Variants in CLDN16 observed in about 807,000 individuals in gnomAD.
The protein encoded by CLDN16 is claudin 16.
CLDN16 carries 13 observed loss-of-function variants against 24.6 expected under a neutral mutation model. That is an observed-to-expected ratio of 0.53 (90% CI 0.34 to 0.84). The LOEUF (loss-of-function observed/expected upper bound fraction) is 0.84. Ranked by LOEUF, CLDN16 falls within the 40% of genes least tolerant of loss-of-function variation. The pLI is 0.01. For missense variants in CLDN16, 298 were observed against 292.7 expected, an observed-to-expected ratio of 1.02 and a Z score of -0.13; for synonymous variants, 116 against 106.7, an observed-to-expected ratio of 1.09 and a Z score of -0.54.
intron 1 of CLDN16, among the ~76,000 whole-genome samples, chr3:190,391,965 A>G (rs565052765): frequency 8.5e-5 from 13 of 152,052 alleles, no homozygotes; most frequent in Admixed American, 7.2e-4. Context: ...ACCCTTATTA[A>G]CTGCCTTCTA....
rs1719052466 is a variant in CLDN16, at chr3:190,404,857, T to C, written c.313T>C (p.Phe105Leu). Residue 105 changes from phenylalanine to leucine, a missense_variant, in exon 3 of 5, where the codon TTC (phenylalanine) becomes CTC (leucine). Physicochemically the swap from Phe to Leu is conservative, Grantham distance 22 (BLOSUM62 0). Coordinates refer to ENST00000264734, the MANE Select transcript of CLDN16 (RefSeq NM_006580.4). ...GCTCCTTGGTCTTGACTGCGTGAAA[T>C]TCCTCCCTGATGAGCCGTACATTAA... ...TLLLGLDCVK[F>L]LPDEPYIKVR... 6.2e-6 allele frequency: 10 copies of C among 1,614,030 alleles called. No homozygotes were observed. Among genetic ancestry groups the C allele is most frequent in the Non-Finnish European group, 8.5e-6 (10 of 1,180,028 alleles).
In CLDN16 at chr3:190,411,848, A is replaced by G. The variant is rs138543261; in HGVS notation, c.*1812A>G. ...TCATTAGTTATTTGATCATTGTTCT[A>G]TGCATTTTAAAATTAATTTTGTGTT... On this transcript the variant is annotated 3_prime_UTR_variant, in exon 5 of 5. Coordinates refer to ENST00000264734, the MANE Select transcript of CLDN16 (RefSeq NM_006580.4). 59 of 152,230 alleles carry G rather than the reference A, an allele frequency of 3.9e-4. No individual in the cohort carries two copies. In the East Asian group the frequency reaches 0.011, roughly 28 times the overall value. 9.4% of individuals were successfully genotyped at this position (152,230 alleles called of 1,614,324 possible). A position where few individuals can be genotyped will look rare whatever the true frequency, so the allele number is the denominator to read the frequency against.
the CLDN16 span, among the ~76,000 whole-genome samples, chr3:190,297,909 T>C: frequency 6.6e-6 from 1 of 151,512 alleles, no homozygotes; most frequent in Non-Finnish European, 1.5e-5. Flanking sequence ...GAAAGATAAG[T>C]TTGTCAAGGC....
chr3:190,357,706 C>G (rs1295395718), intron 1 of CLDN16, among the ~76,000 whole-genome samples: 1 of 151,900 alleles, frequency 6.6e-6, no homozygotes, highest in Admixed American at 6.6e-5. Context: ...GTGCTTTACT[C>G]GTGGTTTCCC....
intron 1 of CLDN16, among the ~76,000 whole-genome samples, chr3:190,344,148 C>T (rs7628189): frequency 0.3 from 45,495 of 151,710 alleles, 7,323 homozygotes; most frequent in East Asian, 0.6. Flanking sequence ...TTTTGAAAAA[C>T]GCTTTGAAAG....
At chr3:190,303,567 G>T in the CLDN16 span, among the ~76,000 whole-genome samples, 1 of 152,022 alleles carries the variant, frequency 6.6e-6, no homozygotes, top group Non-Finnish European at 1.5e-5. Context: ...AATGAAATAA[G>T]TGAACTAAAA....
chr3:190,362,100 A>G (rs1717902208), intron 1 of CLDN16, among the ~76,000 whole-genome samples: 1 of 151,500 alleles, frequency 6.6e-6, no homozygotes, highest in African/African-American at 2.4e-5. Flanking sequence ...AACCCCTTGC[A>G]TTTGAAGACC....
chr3:190,383,956 A>G (rs1452401789), upstream of CLDN16, among the ~76,000 whole-genome samples: 1 of 152,192 alleles, frequency 6.6e-6, no homozygotes, highest in Non-Finnish European at 1.5e-5. Context: ...TTCATTTTTC[A>G]CAGCCATTTT....
At chr3:190,383,628 A>G (rs745332279), upstream of CLDN16, among the ~76,000 whole-genome samples, 1 of 152,174 alleles carries the variant, frequency 6.6e-6, no homozygotes, top group Non-Finnish European at 1.5e-5. Flanking sequence ...ATGTCATAGA[A>G]CTTGCCCTAT....
At chr3:190,337,961 G>A (rs747790098) in intron 1 of CLDN16, among the ~76,000 whole-genome samples, 3 of 152,124 alleles carry the variant, frequency 2.0e-5, no homozygotes, top group Non-Finnish European at 4.4e-5. Flanking sequence ...CCCTTTTAAT[G>A]TATAGCTGTA....
At chr3:190,301,392 G>C in the CLDN16 span, among the ~76,000 whole-genome samples, 1 of 152,090 alleles carries the variant, frequency 6.6e-6, no homozygotes, top group East Asian at 1.9e-4. Context: ...CTACTCCAGA[G>C]GCTGAGGTGG....
intron 1 of CLDN16, among the ~76,000 whole-genome samples, chr3:190,353,209 C>CTA (rs1717704411): frequency 1.3e-5 from 2 of 152,036 alleles, no homozygotes; most frequent in Non-Finnish European, 2.9e-5. Flanking sequence ...AAGACTATGC[C>CTA]ACCTTCATCC....
rs115019864 is a variant in CLDN16, at chr3:190,338,569, T to A, written n.121+15908T>A. 2.9e-3 allele frequency among the ~76,000 whole-genome samples: 436 copies of A among 152,298 alleles called. 4 individuals are homozygous for A. The highest frequency in any genetic ancestry group is 0.01 in the African/African-American group (424 of 41,570). ...GGGAATCAAGGCTCTCAGGGATGAG[T>A]GTCTGAGACATCCCACCAGACAAGC... On this transcript the variant is annotated intron_variant and non_coding_transcript_variant, in intron 1 of 4. Transcript: ENST00000468220.
intron 1 of CLDN16, among the ~76,000 whole-genome samples, chr3:190,364,838 T>C (rs1717983334): frequency 6.6e-6 from 1 of 151,736 alleles, no homozygotes; most frequent in Admixed American, 6.6e-5. Context: ...CTTTTTTTTT[T>C]TCGAGGTGAT....
intron 1 of CLDN16, among the ~76,000 whole-genome samples, chr3:190,339,221 T>G (rs1028153808): frequency 6.6e-6 from 1 of 152,230 alleles, no homozygotes; most frequent in Admixed American, 6.5e-5. Context: ...AGTGTATTCC[T>G]TCTAGAAATC....
chr3:190,399,972 A>G (rs532626927), intron 1 of CLDN16, among the ~76,000 whole-genome samples: 4 of 152,162 alleles, frequency 2.6e-5, no homozygotes, highest in African/African-American at 9.6e-5. Flanking sequence ...TGCTCCTTAC[A>G]AGCACCTAAT....
intron 3 of CLDN16, among the ~76,000 whole-genome samples, chr3:190,378,586 T>C (rs757026959): frequency 1.5e-4 from 23 of 152,056 alleles, no homozygotes; most frequent in Admixed American, 2.6e-4. Context: ...CCTGATTCCA[T>C]CCTATTCAAT....
chr3:190,351,572 T>C (rs1042966609), intron 1 of CLDN16, among the ~76,000 whole-genome samples: 18 of 152,194 alleles, frequency 1.2e-4, no homozygotes, highest in Admixed American at 1.1e-3. Flanking sequence ...TGACTGCCAT[T>C]TAGTAAACAT....
At chr3:190,328,998 T>G (rs1349826137) in intron 1 of CLDN16, among the ~76,000 whole-genome samples, 6 of 152,202 alleles carry the variant, frequency 3.9e-5, no homozygotes, top group Non-Finnish European at 1.5e-5. Flanking sequence ...GCATAGGTAG[T>G]GCACAACGTA....
Sources: gnomAD v4.1 joint callset for allele counts (sites outside exome capture counted in the v4.1 genomes callset) on GRCh38, gnomAD v4.1.1 for gene constraint, MANE v1.5 for transcripts, NCBI Gene and HGNC (gene_info 2026-07-23, HGNC 2026-07-21) for gene names.